ACSM6: variants seen among roughly 807,000 people sequenced by gnomAD.
ACSM6 encodes the protein acyl-CoA synthetase medium chain family member 6.
In ACSM6, 35 loss-of-function variants were observed where a neutral mutation model predicts 51.1. The ratio of observed to expected loss-of-function variants is 0.69; its 90% CI spans 0.52 to 0.91. The LOEUF (loss-of-function observed/expected upper bound fraction) is 0.91, where lower values mean the gene tolerates loss of function less well. Among genes scored for constraint, ACSM6 ranks in the 40% least tolerant of loss-of-function variants. The probability of loss-of-function intolerance (pLI) is 0.00; values close to 1 mark genes in which losing one functional copy is unlikely to be tolerated. For missense variants in ACSM6, 509 were observed against 584.1 expected, an observed-to-expected ratio of 0.87 and a Z score of 1.32; for synonymous variants, 172 against 207.3, an observed-to-expected ratio of 0.83 and a Z score of 1.46.
intron 2 of ACSM6, among the ~76,000 whole-genome samples, chr10:95,200,552 G>GA (rs1296922765): frequency 1.7e-5 from 2 of 120,700 alleles, no homozygotes; most frequent in East Asian, 2.0e-4. Context: ...ATGAAAAGAA[G>GA]AAGAAAGAAG....
At chr10:95,209,693 A>C (rs1241078735) in intron 4 of ACSM6, among the ~76,000 whole-genome samples, 1 of 152,010 alleles carries the variant, frequency 6.6e-6, no homozygotes. Context: ...TTTTTAATTA[A>C]ATTATAAAAT....
In ACSM6 at chr10:95,206,876, A is replaced by C. The variant is rs1263383446; in HGVS notation, c.404-332A>C. Among the ~76,000 whole-genome samples the C allele has an allele frequency of 2.0e-5, 3 of 152,332 alleles. No individual in the cohort carries two copies. The East Asian group carries it at 5.8e-4, about 29-fold the overall frequency. On this transcript the variant is annotated intron_variant, in intron 3 of 10. Coordinates refer to ENST00000341686, the Ensembl canonical transcript of ACSM6. Reference sequence around the variant, plus strand: ...AAGCCATGAGAAAACAACAAAGAGGAAGTTTTCATAATCCCTTTGCATCAC... The same window carrying C: ...AAGCCATGAGAAAACAACAAAGAGGCAGTTTTCATAATCCCTTTGCATCAC...
intron 4 of ACSM6, among the ~76,000 whole-genome samples, chr10:95,208,401 T>C (rs536345346): frequency 1.3e-5 from 2 of 152,264 alleles, no homozygotes; most frequent in South Asian, 4.2e-4. Flanking sequence ...ATGGTTACAC[T>C]GAAAACCCAG....
At chr10:95,207,341 C>T (rs917816821) in exon 4 of ACSM6, 1 of 1,614,116 alleles carries the variant, frequency 6.2e-7, no homozygotes, top group Non-Finnish European at 8.5e-7. Context: ...TGTCCGACTG[C>T]CCCACCTTGA....
intron 8 of ACSM6, among the ~76,000 whole-genome samples, chr10:95,218,496 T>G (rs1018745905): frequency 3.3e-5 from 5 of 152,216 alleles, no homozygotes; most frequent in African/African-American, 1.2e-4. Context: ...TCCCTCTCAA[T>G]TGCTCCATCT....
At chr10:95,208,090 G>A (rs1461963641) in intron 4 of ACSM6, among the ~76,000 whole-genome samples, 2 of 151,720 alleles carry the variant, frequency 1.3e-5, no homozygotes, top group Non-Finnish European at 2.9e-5. Flanking sequence ...GCAGTGAGCC[G>A]AGATTACACC....
chr10:95,201,514 T>G (rs748436702), intron 2 of ACSM6: 85 of 455,786 alleles, frequency 1.9e-4, no homozygotes, highest in Non-Finnish European at 3.1e-4. Flanking sequence ...TGAGTAATAT[T>G]CCATGTTGTA....
chr10:95,214,908 G>A lies in ACSM6; in HGVS notation c.1052G>A (p.Gly351Glu), dbSNP rs571296706. The stretch of plus-strand genomic sequence containing the variant: ...GCTGCAGGAGGACCCATCAGCCCTG[G>A]GGTGATTGAGGACTGGAAACGCATC... The change falls in exon 8 of 11, where the codon GGG becomes GAG. Residue 351 changes from glycine (G) to glutamate (E), a missense_variant. Physicochemically the swap from Gly to Glu is moderately conservative, Grantham distance 98. Coordinates refer to ENST00000341686, the Ensembl canonical transcript of ACSM6. The A allele has an allele frequency of 3.0e-5, 46 of 1,551,614 alleles. No individual in the cohort carries two copies. The African/African-American group carries it at 5.1e-4, about 17-fold the overall frequency.
chr10:95,213,071 GACA>G (rs2034909881), intron 7 of ACSM6, 131 bp downstream of exon 7: 4 of 692,472 alleles, frequency 5.8e-6, no homozygotes, highest in Admixed American at 4.6e-5. Flanking sequence ...TGCCATTCAT[GACA>G]ACAACTCCAT....
chr10:95,201,665 G>A (rs1396146570), intron 2 of ACSM6: 2 of 508,736 alleles, frequency 3.9e-6, no homozygotes, highest in Admixed American at 4.6e-5. Context: ...TTTCTTTTGG[G>A]TAGACACCCA....
intron 7 of ACSM6, among the ~76,000 whole-genome samples, chr10:95,213,355 C>T (rs1208171744): frequency 6.6e-6 from 1 of 152,040 alleles, no homozygotes; most frequent in Non-Finnish European, 1.5e-5. Context: ...ACAAAGACCA[C>T]CTTCTCTCTT....
intron 9 of ACSM6, among the ~76,000 whole-genome samples, chr10:95,222,303 C>T (rs1156507463): frequency 1.3e-5 from 2 of 151,926 alleles, no homozygotes; most frequent in African/African-American, 2.4e-5. Flanking sequence ...CTATACACTA[C>T]AATAAATTAT....
intron 10 of ACSM6, among the ~76,000 whole-genome samples, chr10:95,227,326 A>G (rs1056841038): frequency 3.3e-5 from 5 of 152,134 alleles, no homozygotes; most frequent in African/African-American, 1.2e-4. Flanking sequence ...AAGGAGAACT[A>G]TCATGATCTA....
chr10:95,216,481 A>G (rs2034945782), intron 8 of ACSM6, among the ~76,000 whole-genome samples: 1 of 152,232 alleles, frequency 6.6e-6, no homozygotes, highest in African/African-American at 2.4e-5. Context: ...GGGACCTGGA[A>G]TCAAAGGAAA....
At chr10:95,224,334 T>A (rs990696123) in intron 9 of ACSM6, among the ~76,000 whole-genome samples, 1 of 152,208 alleles carries the variant, frequency 6.6e-6, no homozygotes, top group Admixed American at 6.5e-5. Context: ...AGCATCTCAG[T>A]GTACTTTTTA....
intron 7 of ACSM6, among the ~76,000 whole-genome samples, chr10:95,214,541 G>T (rs2034925142): frequency 6.6e-6 from 1 of 152,140 alleles, no homozygotes; most frequent in South Asian, 2.1e-4. Flanking sequence ...TCTGGCTTTG[G>T]GAGAGGTAAT....
rs201517551 is a variant in ACSM6, at chr10:95,219,852, C to T, written c.1120-39C>T. On this transcript the variant is annotated intron_variant, in intron 8 of 10. Transcript: ENST00000341686. Reference sequence around the variant, plus strand: ...AATAACTAGATCCATTAATTTATTGCTTTTTTAAAGAAAAACTTGTCTGCA... The same window carrying T: ...AATAACTAGATCCATTAATTTATTGTTTTTTTAAAGAAAAACTTGTCTGCA... 2.7e-4 allele frequency: 414 copies of T among 1,522,612 alleles called. No homozygotes were observed. The Middle Eastern group carries it at 4.4e-3, about 16-fold the overall frequency. The allele number at this position is 1,522,612 out of a possible 1,614,324, so 94.3% of individuals were successfully genotyped here.
At chr10:95,198,944 A>G (rs1427678894) in intron 2 of ACSM6, among the ~76,000 whole-genome samples, 1 of 152,136 alleles carries the variant, frequency 6.6e-6, no homozygotes, top group African/African-American at 2.4e-5. Flanking sequence ...AATTTATAGA[A>G]TCAATACCAT....
chr10:95,211,918 C>G (rs183665263), exon 6 of ACSM6: 2 of 1,613,190 alleles, frequency 1.2e-6, no homozygotes, highest in African/African-American at 2.7e-5. Flanking sequence ...CTTGTGGAGT[C>G]TGGGTGATGC....
Sources: gnomAD v4.1 joint callset for allele counts (sites outside exome capture counted in the v4.1 genomes callset) on GRCh38, gnomAD v4.1.1 for gene constraint, MANE v1.5 for transcripts, NCBI Gene and HGNC (gene_info 2026-07-23, HGNC 2026-07-21) for gene names.